LINGO2: variants seen among roughly 807,000 people sequenced by gnomAD.
LINGO2 encodes leucine rich repeat and Ig domain containing 2, also known as leucine-rich repeat and immunoglobulin-like domain-containing nogo receptor-interacting protein 2.
LINGO2 carries 14 observed loss-of-function variants against 30.6 expected under a neutral mutation model. That is an observed-to-expected ratio of 0.46 (90% CI 0.30 to 0.72). LINGO2 has a LOEUF of 0.72. Ranked by LOEUF, LINGO2 falls within the 30% of genes least tolerant of loss-of-function variation. The pLI, the probability that LINGO2 is intolerant of heterozygous loss-of-function variation, is 0.07. For missense variants in LINGO2, 729 were observed against 751.7 expected (o/e 0.97, Z 0.35); for synonymous variants, 317 against 288.5 (o/e 1.10, Z -1.00).
intron 4 of LINGO2, among the ~76,000 whole-genome samples, chr9:28,104,615 C>T (rs1338946144): frequency 6.6e-6 from 1 of 151,830 alleles, no homozygotes; most frequent in Non-Finnish European, 1.5e-5. Flanking sequence ...AACACCCTGA[C>T]TCTCCATTAT....
intron 3 of LINGO2, among the ~76,000 whole-genome samples, chr9:28,318,170 G>T (rs1824912463): frequency 6.6e-6 from 1 of 152,120 alleles, no homozygotes; most frequent in African/African-American, 2.4e-5. Context: ...ATGACTCAAA[G>T]CACTTCTGTC....
the LINGO2 span, among the ~76,000 whole-genome samples, chr9:28,742,055 C>G: frequency 6.6e-6 from 1 of 151,984 alleles, no homozygotes; most frequent in Non-Finnish European, 1.5e-5. Flanking sequence ...GACCTGAAGC[C>G]TTAGTCTTCA....
chr9:28,900,559 G>GCC, the LINGO2 span, among the ~76,000 whole-genome samples: 1 of 152,154 alleles, frequency 6.6e-6, no homozygotes, highest in African/African-American at 2.4e-5. Context: ...CGGGTGCCAA[G>GCC]CCCACTCACC....
At chr9:29,144,532 T>C in the LINGO2 span, among the ~76,000 whole-genome samples, 1 of 152,174 alleles carries the variant, frequency 6.6e-6, no homozygotes, top group African/African-American at 2.4e-5. Context: ...TGAGAACCAG[T>C]TGAGTAACAG....
At chr9:28,348,906 C>A (rs1819719704) in intron 3 of LINGO2, among the ~76,000 whole-genome samples, 1 of 151,758 alleles carries the variant, frequency 6.6e-6, no homozygotes, top group African/African-American at 2.4e-5. Flanking sequence ...CCTCACATGG[C>A]AGGGTATTCC....
rs192859281 is a variant in LINGO2, at chr9:28,077,818, G to C, written c.-86-65413C>G. 3.2e-3 allele frequency among the ~76,000 whole-genome samples: 479 copies of C among 148,926 alleles called. 9 individuals are homozygous for C. Among genetic ancestry groups the C allele is most frequent in the Non-Finnish European group, 4.1e-3 (282 of 67,994 alleles). On this transcript the variant is annotated intron_variant, in intron 4 of 5. Transcript: ENST00000379992. ...GAAGAAAGAAGAAAGAAGTAGAAAAGAAAGATAAGAAAAGGAAGAATCCTC... is the reference window on the plus strand; with the variant it reads ...GAAGAAAGAAGAAAGAAGTAGAAAACAAAGATAAGAAAAGGAAGAATCCTC...
intron 4 of LINGO2, among the ~76,000 whole-genome samples, chr9:28,243,129 C>T (rs11791431): frequency 0.2 from 30,480 of 151,972 alleles, 3,421 homozygotes; most frequent in East Asian, 0.33. Flanking sequence ...ACAATATTAA[C>T]CTTAAATGTA....
Position 28,562,444 on chromosome 9 carries a change from G to C in LINGO2, c.-364-86419C>G, listed in dbSNP as rs1823141656. 8.8e-5 allele frequency among the ~76,000 whole-genome samples: 8 copies of C among 91,074 alleles called. 1 individual carries two copies. The South Asian group carries it at 3.4e-3, about 38-fold the overall frequency. The allele number at this position is 91,074 out of a possible 152,430, so 59.7% of individuals were successfully genotyped here. ...TATTCTTCAACAGGAAATAAGCAAT[G>C]TGCATTTACTTTCAAAAAAAAAAAA... On this transcript the variant is annotated intron_variant, in intron 1 of 5. Coordinates refer to ENST00000379992, the Ensembl canonical transcript of LINGO2.
At chr9:28,650,114 T>A (rs1489270837) in intron 1 of LINGO2, among the ~76,000 whole-genome samples, 1 of 149,786 alleles carries the variant, frequency 6.7e-6, no homozygotes, top group Non-Finnish European at 1.5e-5. Context: ...AACAGGCAAA[T>A]AAAAGGAATA....
intron 2 of LINGO2, among the ~76,000 whole-genome samples, chr9:28,466,463 G>A (rs1825306547): frequency 6.6e-6 from 1 of 152,140 alleles, no homozygotes; most frequent in African/African-American, 2.4e-5. Context: ...GGAAGGGTAG[G>A]TGGAAGAGGG....
chr9:29,114,171 AAT>A, the LINGO2 span, among the ~76,000 whole-genome samples: 5 of 151,214 alleles, frequency 3.3e-5, no homozygotes, highest in African/African-American at 1.2e-4. Context: ...TTCAGTTAAT[AAT>A]ATATATATTT....
At chr9:28,513,084 T>TAC (rs57773955) in intron 1 of LINGO2, among the ~76,000 whole-genome samples, 20,698 of 146,256 alleles carry the variant, frequency 0.14, 1,481 homozygotes, top group African/African-American at 0.2. Context: ...TTAACCATCA[T>TAC]ACACACACAC....
chr9:28,365,005 A>G (rs1404141829), intron 3 of LINGO2, among the ~76,000 whole-genome samples: 3 of 152,236 alleles, frequency 2.0e-5, no homozygotes, highest in Admixed American at 2.0e-4. Context: ...GGTAGGAAAG[A>G]TAAACCCACA....
chr9:28,132,247 G>C (rs1007526358), intron 4 of LINGO2, among the ~76,000 whole-genome samples: 2 of 152,010 alleles, frequency 1.3e-5, no homozygotes, highest in African/African-American at 2.4e-5. Context: ...TATTATATTG[G>C]CTAAATTATT....
intron 4 of LINGO2, among the ~76,000 whole-genome samples, chr9:28,214,811 G>A (rs1034480267): frequency 6.6e-6 from 1 of 151,610 alleles, no homozygotes; most frequent in African/African-American, 2.4e-5. Context: ...TGATGCTAGA[G>A]TAAAAAAGAT....
At chr9:27,950,567 A>C in exon 6 of LINGO2, 1 of 1,544,296 alleles carries the variant, frequency 6.5e-7, no homozygotes, top group Non-Finnish European at 8.7e-7. Context: ...TGTTCTGGGC[A>C]GAGCACTCAC....
At chr9:28,605,811 C>A (rs904012706) in intron 1 of LINGO2, among the ~76,000 whole-genome samples, 1 of 152,014 alleles carries the variant, frequency 6.6e-6, no homozygotes, top group East Asian at 1.9e-4. Flanking sequence ...CACATCCACT[C>A]ATTTAGTACT....
intron 3 of LINGO2, among the ~76,000 whole-genome samples, chr9:28,325,692 C>T (rs560852240): frequency 3.4e-4 from 51 of 152,196 alleles, no homozygotes; most frequent in African/African-American, 1.0e-3. Context: ...ATGATTGTGA[C>T]GCCTCCCCAG....
the LINGO2 span, among the ~76,000 whole-genome samples, chr9:28,938,249 T>C: frequency 8.5e-5 from 13 of 152,342 alleles, no homozygotes; most frequent in African/African-American, 3.1e-4. Context: ...TAACTAAATT[T>C]ATGGGTTACC....
Sources: allele counts gnomAD v4.1 joint callset (sites outside exome capture counted in the v4.1 genomes callset), GRCh38; gene constraint gnomAD v4.1.1; transcripts MANE v1.5; gene names NCBI Gene and HGNC (gene_info 2026-07-23, HGNC 2026-07-21).